The following GRM5 variants were observed in gnomAD, a reference collection of about 807,000 sequenced individuals.
GRM5 encodes the protein metabotropic glutamate receptor 5.
Under a neutral mutation model 83.1 loss-of-function variants are expected in GRM5, and 19 were observed. The observed-to-expected ratio is 0.23, with a 90% CI of 0.16 to 0.34. GRM5 has a LOEUF of 0.34. GRM5 is among the 10% of genes least tolerant of loss of function. The pLI is 1.00. For synonymous variants in GRM5, 675 were observed against 633.6 expected (o/e 1.07, Z -0.98); for missense variants, 1,160 against 1,588.3 (o/e 0.73, Z 4.58).
chr11:88,649,085 T>C (rs1250873891), intron 4 of GRM5, among the ~76,000 whole-genome samples: 2 of 144,578 alleles, frequency 1.4e-5, no homozygotes, highest in African/African-American at 5.0e-5. Context: ...ATAATACATA[T>C]ATTAAAATAT....
intron 2 of GRM5, among the ~76,000 whole-genome samples, chr11:89,032,757 T>C (rs1941291015): frequency 6.6e-6 from 1 of 152,028 alleles, no homozygotes; most frequent in Admixed American, 6.6e-5. Context: ...AGATAACACC[T>C]GGTATTTAAA....
intron 2 of GRM5, among the ~76,000 whole-genome samples, chr11:88,933,517 A>G (rs1937788194): frequency 6.6e-6 from 1 of 151,792 alleles, no homozygotes; most frequent in Non-Finnish European, 1.5e-5. Flanking sequence ...CTTTGGACAG[A>G]TTTCTTCAAT....
chr11:88,897,311 C>CT (rs1945242385), intron 2 of GRM5, among the ~76,000 whole-genome samples: 2 of 151,936 alleles, frequency 1.3e-5, no homozygotes, highest in African/African-American at 4.8e-5. Context: ...CTGTCTAGCA[C>CT]TACTAGCTAG....
intron 2 of GRM5, among the ~76,000 whole-genome samples, chr11:88,869,892 C>T (rs767697770): frequency 2.8e-4 from 43 of 151,240 alleles, no homozygotes; most frequent in Non-Finnish European, 5.6e-4. Flanking sequence ...TTTAGTGGCC[C>T]CTACTATATC....
rs76850190 is a variant in GRM5, at chr11:89,047,216, T to G, written c.657A>C (p.Thr219=). 7,007 of 1,601,864 alleles carry G rather than the reference T, an allele frequency of 4.4e-3. 54 individuals carry two copies. Among genetic ancestry groups the G allele is most frequent in the South Asian group, 0.024 (2,126 of 90,142 alleles). ...YNWTYVSAVH[T]EGNYGESGME... Reference sequence around the variant, plus strand: ...ATGTATGCAAAGGAAACTTACCTTCTGTGTGCACGGCTGATACATAGGTCC... The same window carrying G: ...ATGTATGCAAAGGAAACTTACCTTCGGTGTGCACGGCTGATACATAGGTCC... The change falls in exon 2 of 10, where the codon ACA becomes ACC. Residue 219 remains threonine, a synonymous_variant. Transcript: ENST00000305447. The surrounding 1 kb of genome is among the most constrained non-coding windows in gnomAD (Gnocchi z 5.1).
chr11:88,639,419 A>C (rs1377036632), intron 4 of GRM5, among the ~76,000 whole-genome samples: 1 of 152,008 alleles, frequency 6.6e-6, no homozygotes, highest in Non-Finnish European at 1.5e-5. Flanking sequence ...TAATGTCTTC[A>C]TTGTTTGAGG....
chr11:88,968,909 C>T (rs1169949293), intron 2 of GRM5, among the ~76,000 whole-genome samples: 2 of 151,926 alleles, frequency 1.3e-5, no homozygotes, highest in African/African-American at 2.4e-5. Context: ...TGTGGATAGC[C>T]AGGATCGGGT....
intron 3 of GRM5, among the ~76,000 whole-genome samples, chr11:88,805,389 A>C (rs1206082543): frequency 6.6e-6 from 1 of 151,962 alleles, no homozygotes; most frequent in Non-Finnish European, 1.5e-5. Flanking sequence ...ATGGAGTTTC[A>C]CCATGTTGGC....
chr11:88,736,479 C>T (rs377397699), intron 3 of GRM5, among the ~76,000 whole-genome samples: 106 of 152,102 alleles, frequency 7.0e-4, no homozygotes, highest in Non-Finnish European at 1.2e-3. Context: ...AGGTTGATGC[C>T]AGCAACTGAA....
chr11:88,884,837 T>C (rs1310917518), intron 2 of GRM5, among the ~76,000 whole-genome samples: 1 of 152,212 alleles, frequency 6.6e-6, no homozygotes, highest in Admixed American at 6.5e-5. Flanking sequence ...CCTCCTCTGC[T>C]TTCCGCCATG....
intron 9 of GRM5, among the ~76,000 whole-genome samples, chr11:88,511,346 C>CT (rs1276499616): frequency 6.6e-6 from 1 of 152,236 alleles, no homozygotes; most frequent in Non-Finnish European, 1.5e-5. Flanking sequence ...AGGATCCACT[C>CT]TGTCTGAGAA....
At chr11:88,570,044 G>C (rs1441121654) in intron 7 of GRM5, among the ~76,000 whole-genome samples, 1 of 152,042 alleles carries the variant, frequency 6.6e-6, no homozygotes, top group Non-Finnish European at 1.5e-5. Flanking sequence ...ACAAAGGAAA[G>C]AGAAGGGGAA....
At chr11:88,974,545 G>A (rs1225222928) in intron 2 of GRM5, among the ~76,000 whole-genome samples, 2 of 152,084 alleles carry the variant, frequency 1.3e-5, no homozygotes, top group African/African-American at 2.4e-5. Context: ...TATATTCCAA[G>A]TTTATATTAG....
At chr11:88,989,074 T>TGAAG (rs923253173) in intron 2 of GRM5, among the ~76,000 whole-genome samples, 34 of 151,400 alleles carry the variant, frequency 2.2e-4, no homozygotes, top group South Asian at 6.3e-4. Context: ...ACAAATTGGA[T>TGAAG]GAAGAGTCAA....
intron 3 of GRM5, among the ~76,000 whole-genome samples, chr11:88,682,914 A>G (rs780619107): frequency 6.7e-6 from 1 of 148,684 alleles, no homozygotes; most frequent in Non-Finnish European, 1.5e-5. Context: ...TCAATAGCTT[A>G]CTGGTGTTTA....
intron 3 of GRM5, among the ~76,000 whole-genome samples, chr11:88,847,677 A>G (rs1944322401): frequency 6.6e-6 from 1 of 152,208 alleles, no homozygotes; most frequent in Non-Finnish European, 1.5e-5. Context: ...AAAACTGCTC[A>G]AAAATGAAAT....
intron 3 of GRM5, among the ~76,000 whole-genome samples, chr11:88,774,525 G>A (rs1405952086): frequency 2.0e-5 from 3 of 152,148 alleles, no homozygotes; most frequent in Non-Finnish European, 2.9e-5. Flanking sequence ...CCTGTCTTAT[G>A]TCGGTTTTCA....
At chr11:88,629,619 C>A (rs1303039315) in intron 4 of GRM5, among the ~76,000 whole-genome samples, 2 of 152,114 alleles carry the variant, frequency 1.3e-5, no homozygotes, top group Admixed American at 6.5e-5. Flanking sequence ...TGGCCACTTA[C>A]CCATACCACA....
At chr11:88,858,969 A>C (rs527733605) in intron 2 of GRM5, among the ~76,000 whole-genome samples, 1 of 152,182 alleles carries the variant, frequency 6.6e-6, no homozygotes, top group South Asian at 2.1e-4. Flanking sequence ...AAGAATTCAA[A>C]TATGTGTGCA....
Sources: allele counts gnomAD v4.1 joint callset (sites outside exome capture counted in the v4.1 genomes callset), GRCh38; gene constraint gnomAD v4.1.1; non-coding constraint Gnocchi (gnomAD v3.1); transcripts MANE v1.5; gene names NCBI Gene and HGNC (gene_info 2026-07-23, HGNC 2026-07-21).